The following MAPK6 variants were observed in gnomAD, a reference collection of about 807,000 sequenced individuals.
The protein encoded by MAPK6 is ERK-3.
A neutral mutation model predicts 59.3 loss-of-function variants in MAPK6; 19 were observed. That is an observed-to-expected ratio of 0.32 (90% CI 0.22 to 0.47). The LOEUF is 0.47. Among genes scored for constraint, MAPK6 ranks in the 20% least tolerant of loss-of-function variants. MAPK6 has a pLI of 1.00. For missense variants in MAPK6, 724 were observed against 847.9 expected, an observed-to-expected ratio of 0.85 and a Z score of 1.81; for synonymous variants, 316 against 290.3, an observed-to-expected ratio of 1.09 and a Z score of -0.90.
chr15:51,981,255 T>A (rs1017552431), intron 1 of MAPK6, among the ~76,000 whole-genome samples: 1 of 148,858 alleles, frequency 6.7e-6, no homozygotes, highest in Non-Finnish European at 1.5e-5. Context: ...CAGCGGAACA[T>A]GAGGTCAGGA....
chr15:52,050,643 A>G (rs1029212904), intron 3 of MAPK6, among the ~76,000 whole-genome samples: 3 of 152,240 alleles, frequency 2.0e-5, no homozygotes, highest in Non-Finnish European at 4.4e-5. Context: ...ATAGGTCTGT[A>G]TAAAATTATT....
intron 2 of MAPK6, among the ~76,000 whole-genome samples, chr15:52,001,017 T>A (rs1404125581): frequency 1.3e-5 from 2 of 152,116 alleles, no homozygotes; most frequent in East Asian, 3.9e-4. Flanking sequence ...CTTGAATGTG[T>A]CTTCTCCAAA....
chr15:52,016,071 C>CGCGCGCAA (rs1491560107), upstream of MAPK6, among the ~76,000 whole-genome samples: 5 of 12,758 alleles, frequency 3.9e-4, no homozygotes, highest in African/African-American at 8.9e-4. Context: ...CGCGCGCGCG[C>CGCGCGCAA]ACACACACAC....
chr15:52,051,538 AT>A (rs2031780748), intron 3 of MAPK6, among the ~76,000 whole-genome samples: 1 of 152,222 alleles, frequency 6.6e-6, no homozygotes, highest in Non-Finnish European at 1.5e-5. Flanking sequence ...CTTAGTTTAT[AT>A]AACAGCAAGC....
rs200685129 is a variant in MAPK6, at chr15:52,044,996, A to G, written c.-631-834A>G. ...AAAAAAAACTATTTTGCATGCATAT[A>G]ACTACTTATCTGTTCTCCTATTTTA... On this transcript the variant is annotated intron_variant, in intron 1 of 5. Coordinates refer to ENST00000261845, the MANE Select transcript of MAPK6 (RefSeq NM_002748.4). Among the ~76,000 whole-genome samples, 4 of 149,316 alleles carry G rather than the reference A, an allele frequency of 2.7e-5. No homozygotes were observed. In the East Asian group the frequency reaches 7.8e-4, roughly 29 times the overall value.
rs973861639 is a variant in MAPK6 at position 51,980,031 on chromosome 15, A to G, written c.-879-3175A>G. On this transcript the variant is annotated intron_variant, in intron 1 of 7. Coordinates refer to the MAPK6 transcript ENST00000691380. ...GTAGAAGGGCCGGGCGCGGTGGCTC[A>G]CACCTGTAATCCCAGTGATTTGGGA... Among the ~76,000 whole-genome samples the G allele has an allele frequency of 2.9e-4, 44 of 151,764 alleles. 2 individuals carry two copies. Among genetic ancestry groups the G allele is most frequent in the South Asian group, 1.5e-3 (7 of 4,816 alleles).
intron 1 of MAPK6, among the ~76,000 whole-genome samples, chr15:51,976,833 A>T (rs953590021): frequency 6.6e-6 from 1 of 151,446 alleles, no homozygotes; most frequent in African/African-American, 2.4e-5. Flanking sequence ...AATCTCAGCT[A>T]CTCAGGAAGC....
At chr15:52,015,213 C>T (rs1261244822), upstream of MAPK6, among the ~76,000 whole-genome samples, 1 of 151,960 alleles carries the variant, frequency 6.6e-6, no homozygotes, top group African/African-American at 2.4e-5. Context: ...GTTGGTCAGG[C>T]TGGTCTCAAA....
chr15:52,018,306 G>A (rs975711883), upstream of MAPK6, among the ~76,000 whole-genome samples: 1 of 152,168 alleles, frequency 6.6e-6, no homozygotes, highest in Admixed American at 6.5e-5. Flanking sequence ...TAGGATTACA[G>A]GCGTGAACCA....
chr15:52,016,058 G>GCGCA (rs1555396571), upstream of MAPK6, among the ~76,000 whole-genome samples: 34 of 54,878 alleles, frequency 6.2e-4, 1 homozygote, highest in African/African-American at 2.6e-3. Context: ...TCCATCGCGC[G>GCGCA]CGCGCGCGCG....
intron 2 of MAPK6, among the ~76,000 whole-genome samples, chr15:51,984,256 G>A (rs1207515905): frequency 6.6e-6 from 1 of 152,008 alleles, no homozygotes; most frequent in African/African-American, 2.4e-5. Flanking sequence ...AGCCAGTTAG[G>A]AAACTGGATG....
rs200525670 is a variant in MAPK6, at chr15:52,046,932, C to G, written c.472C>G (p.Leu158Val). The change falls in exon 2 of 6, where the codon CTT (leucine) becomes GTT (valine). Residue 158 changes from leucine (L) to valine (V), a missense_variant. Leu to Val is a conservative substitution (Grantham distance 32). Coordinates refer to ENST00000261845, the MANE Select transcript of MAPK6 (RefSeq NM_002748.4). Reference protein sequence around the residue: ...VLHRDLKPANLFINTEDLVLK... With the variant: ...VLHRDLKPANVFINTEDLVLK... Reference sequence around the variant, plus strand: ...GCACAGAGATCTCAAACCAGCTAATCTTTTCATTAATACGGAAGACTTGGT... The same window carrying G: ...GCACAGAGATCTCAAACCAGCTAATGTTTTCATTAATACGGAAGACTTGGT... 5.0e-6 allele frequency: 8 copies of G among 1,613,560 alleles called. No homozygotes were observed. Among genetic ancestry groups the G allele is most frequent in the Non-Finnish European group, 6.8e-6 (8 of 1,179,844 alleles).
At chr15:52,063,092 G>A (rs890780487) in intron 5 of MAPK6, among the ~76,000 whole-genome samples, 4 of 152,000 alleles carry the variant, frequency 2.6e-5, no homozygotes, top group Non-Finnish European at 5.9e-5. Context: ...TTTTTGAGAC[G>A]GAGTCTCACT....
At chr15:52,022,034 A>G (rs2030552719) in intron 1 of MAPK6, among the ~76,000 whole-genome samples, 1 of 152,162 alleles carries the variant, frequency 6.6e-6, no homozygotes, top group South Asian at 2.1e-4. Context: ...ATGGCAGTTT[A>G]AGAGTGGGGC....
chr15:52,018,357 CCT>C (rs1280963143), upstream of MAPK6, among the ~76,000 whole-genome samples: 2 of 152,146 alleles, frequency 1.3e-5, no homozygotes, highest in Non-Finnish European at 2.9e-5. Flanking sequence ...GTGGTCTTTG[CCT>C]CTTTCTTGAA....
In MAPK6 at chr15:51,999,569, G is replaced by A. The variant is rs147758367; in HGVS notation, c.-769-4696G>A. On this transcript the variant is annotated intron_variant, in intron 2 of 7. Coordinates refer to the MAPK6 transcript ENST00000691380. ...ATTATTTGCAAATATTTTCTCCCAC[G>A]CTTTGGGTTGTTTTTTAACTTTCCT... Among the ~76,000 whole-genome samples, 318 of 152,006 alleles carry A rather than the reference G, an allele frequency of 2.1e-3. 4 individuals are homozygous for A. The highest frequency in any genetic ancestry group is 7.2e-3 in the African/African-American group (297 of 41,472).
Position 52,066,330 on chromosome 15 carries a change from C to T in MAPK6, c.*1330C>T, listed in dbSNP as rs2032421415. The T allele has an allele frequency of 6.6e-6, 1 of 152,198 alleles. No homozygotes were observed. The highest frequency in any genetic ancestry group is 1.5e-5 in the Non-Finnish European group (1 of 68,036). The allele number at this position is 152,198 out of a possible 1,614,324, so 9.4% of individuals were successfully genotyped here. ...AGAATGAAAATTACTACCAGAATCA[C>T]TTTGAATTATGGCCATAAATTGCTA... On this transcript the variant is annotated 3_prime_UTR_variant, in exon 6 of 6. Coordinates refer to ENST00000261845, the MANE Select transcript of MAPK6 (RefSeq NM_002748.4).
intron 1 of MAPK6, among the ~76,000 whole-genome samples, chr15:51,976,947 A>C (rs1198336389): frequency 1.3e-5 from 2 of 151,712 alleles, no homozygotes; most frequent in Non-Finnish European, 2.9e-5. Flanking sequence ...TGTCTCAAAA[A>C]AATAAATTAA....
chr15:52,056,597 C>T (rs2031992838), intron 3 of MAPK6: 1 of 152,248 alleles, frequency 6.6e-6, no homozygotes, highest in African/African-American at 2.4e-5. Flanking sequence ...CATTTTGAGC[C>T]ATCTCCAGCA....
Sources: gnomAD v4.1 joint callset for allele counts (sites outside exome capture counted in the v4.1 genomes callset) on GRCh38, gnomAD v4.1.1 for gene constraint, MANE v1.5 for transcripts, NCBI Gene and HGNC (gene_info 2026-07-23, HGNC 2026-07-21) for gene names.